GPHN: variants seen among roughly 807,000 people sequenced by gnomAD.
GPHN encodes gephyrin.
Under a neutral mutation model 95.5 loss-of-function variants are expected in GPHN, and 17 were observed. The observed-to-expected ratio is 0.18, with a 90% CI of 0.12 to 0.27. GPHN has a LOEUF of 0.27. Among genes scored for constraint, GPHN ranks in the 10% least tolerant of loss-of-function variants. The pLI is 1.00. For synonymous variants in GPHN, 320 were observed against 322.5 expected (o/e 0.99, Z 0.08); for missense variants, 660 against 978.1 (o/e 0.67, Z 4.34).
chr14:66,577,195 T>G (rs899846481), intron 1 of GPHN, among the ~76,000 whole-genome samples: 4 of 152,176 alleles, frequency 2.6e-5, no homozygotes, highest in African/African-American at 9.6e-5. Context: ...TAGACCACAC[T>G]TAAAAGTGGC....
the GPHN span, among the ~76,000 whole-genome samples, chr14:67,413,842 G>T: frequency 3.3e-5 from 5 of 152,194 alleles, no homozygotes; most frequent in African/African-American, 9.7e-5. Context: ...AGTAGTAGGT[G>T]CTAGGTTTTA....
At chr14:67,127,862 A>C (rs1199258549) in intron 17 of GPHN, among the ~76,000 whole-genome samples, 2 of 152,358 alleles carry the variant, frequency 1.3e-5, no homozygotes, top group Non-Finnish European at 2.9e-5. Context: ...ATTATGTAGA[A>C]GAGAGCAGTG....
At chr14:67,191,813 G>A in the GPHN span, among the ~76,000 whole-genome samples, 12 of 152,174 alleles carry the variant, frequency 7.9e-5, no homozygotes, top group Non-Finnish European at 4.4e-5. Flanking sequence ...GTTGGTTTCC[G>A]ATCTGTAATC....
At chr14:67,267,013 G>A in the GPHN span, among the ~76,000 whole-genome samples, 160 of 151,988 alleles carry the variant, frequency 1.1e-3, no homozygotes, top group African/African-American at 3.7e-3. Context: ...AGGCTGAAGC[G>A]GGAAGATCAC....
intron 11 of GPHN, among the ~76,000 whole-genome samples, chr14:67,070,290 TTG>T (rs550942899): frequency 3.7e-4 from 55 of 148,472 alleles, no homozygotes; most frequent in African/African-American, 1.1e-3. Context: ...ATATATATGT[TTG>T]TGTGTGTGTG....
At chr14:67,642,210 A>G in the GPHN span, 125 of 1,613,820 alleles carry the variant, frequency 7.7e-5, 3 homozygotes, top group South Asian at 1.4e-3. Flanking sequence ...GACTTTGGAG[A>G]TTTGAGTTTT....
At chr14:67,384,652 G>A in the GPHN span, 7 of 152,172 alleles carry the variant, frequency 4.6e-5, no homozygotes, top group African/African-American at 1.7e-4. Flanking sequence ...ATATTAAAGG[G>A]TCTGGAAAAT....
chr14:67,048,614 A>G (rs114609240), intron 10 of GPHN, among the ~76,000 whole-genome samples: 3,593 of 152,028 alleles, frequency 0.024, 45 homozygotes, highest in Middle Eastern at 0.034. Flanking sequence ...AGATGTCTAG[A>G]CTCCCTCCCC....
At chr14:67,282,054 A>G in the GPHN span, among the ~76,000 whole-genome samples, 1 of 152,162 alleles carries the variant, frequency 6.6e-6, no homozygotes, top group Non-Finnish European at 1.5e-5. Flanking sequence ...GAAATAAATG[A>G]TATATTTTAT....
chr14:67,369,553 T>C, the GPHN span, among the ~76,000 whole-genome samples: 1 of 152,162 alleles, frequency 6.6e-6, no homozygotes, highest in African/African-American at 2.4e-5. Flanking sequence ...TTCACCAAGA[T>C]AGACAATAAG....
the GPHN span, chr14:67,223,846 A>C: frequency 1.0e-6 from 1 of 985,342 alleles, no homozygotes. Context: ...ATACACTTTT[A>C]CTCTCACTTA....
chr14:67,479,705 G>T, the GPHN span, among the ~76,000 whole-genome samples: 70 of 152,242 alleles, frequency 4.6e-4, 1 homozygote, highest in South Asian at 0.014. Flanking sequence ...GTGACAGAGT[G>T]AGACTCCGTC....
the GPHN span, among the ~76,000 whole-genome samples, chr14:67,540,058 C>T: frequency 2.0e-5 from 3 of 152,146 alleles, no homozygotes; most frequent in Non-Finnish European, 4.4e-5. Context: ...GCTGGGTTTT[C>T]TGAGGCCATG....
At chr14:67,608,900 A>G in the GPHN span, among the ~76,000 whole-genome samples, 1 of 152,206 alleles carries the variant, frequency 6.6e-6, no homozygotes, top group Non-Finnish European at 1.5e-5. Flanking sequence ...TGTTTCTCAC[A>G]ACACAGAAAA....
intron 2 of GPHN, among the ~76,000 whole-genome samples, chr14:66,746,239 T>TATA (rs1437892666): frequency 6.6e-6 from 1 of 152,206 alleles, no homozygotes; most frequent in Non-Finnish European, 1.5e-5. Context: ...TACTTAACAT[T>TATA]ATAAAAACCC....
At chr14:67,671,944 T>C in the GPHN span, among the ~76,000 whole-genome samples, 5 of 152,250 alleles carry the variant, frequency 3.3e-5, no homozygotes, top group African/African-American at 1.2e-4. Flanking sequence ...GTCCCACCTC[T>C]TAATGCGATT....
At chr14:67,617,613 A>G in the GPHN span, among the ~76,000 whole-genome samples, 1 of 152,274 alleles carries the variant, frequency 6.6e-6, no homozygotes, top group Non-Finnish European at 1.5e-5. Context: ...ACTAAACTAT[A>G]GGTAGTGGAA....
chr14:67,087,339 G>A (rs945296998), intron 11 of GPHN, among the ~76,000 whole-genome samples: 1 of 152,170 alleles, frequency 6.6e-6, no homozygotes, highest in African/African-American at 2.4e-5. Flanking sequence ...TTCCAGATAA[G>A]GAACCATCCC....
At chr14:67,400,135 CA>C in the GPHN span, among the ~76,000 whole-genome samples, 18 of 152,266 alleles carry the variant, frequency 1.2e-4, no homozygotes, top group African/African-American at 4.1e-4. Context: ...TCGTCTGCAC[CA>C]AAGTTATTTG....
Sources: gnomAD v4.1 joint callset for allele counts (sites outside exome capture counted in the v4.1 genomes callset) on GRCh38, gnomAD v4.1.1 for gene constraint, MANE v1.5 for transcripts, NCBI Gene and HGNC (gene_info 2026-07-23, HGNC 2026-07-21) for gene names.